Variants in ASTN2 observed in about 807,000 individuals in gnomAD.
The protein encoded by ASTN2 is astrotactin 2, also known as astrotactin-2.
ASTN2 carries 54 observed loss-of-function variants against 139.8 expected under a neutral mutation model. That is an observed-to-expected ratio of 0.39 (90% confidence interval 0.31 to 0.48). The LOEUF is 0.48. Among genes scored for constraint, ASTN2 ranks in the 20% least tolerant of loss-of-function variants. The pLI, the probability that ASTN2 is intolerant of heterozygous loss-of-function variation, is 0.95. For missense variants in ASTN2, 1,565 were observed against 1,725.1 expected, an observed-to-expected ratio of 0.91 and a Z score of 1.64; for synonymous variants, 756 against 719.5, an observed-to-expected ratio of 1.05 and a Z score of -0.81.
chr9:116,691,578 C>T (rs1032648478), intron 16 of ASTN2, among the ~76,000 whole-genome samples: 9 of 152,274 alleles, frequency 5.9e-5, no homozygotes, highest in African/African-American at 1.4e-4. Context: ...CCTTCTGGAT[C>T]GTTTTGTTTG....
intron 16 of ASTN2, among the ~76,000 whole-genome samples, chr9:116,675,965 G>T (rs1859475667): frequency 6.6e-6 from 1 of 152,178 alleles, no homozygotes; most frequent in Non-Finnish European, 1.5e-5. Context: ...GTTTTGTTAT[G>T]TGTATTTTGC....
In ASTN2 at chr9:116,744,402, C is replaced by T. The variant is rs138925870; in HGVS notation, c.2397-10879G>A. On this transcript the variant is annotated intron_variant, in intron 13 of 22. Transcript: ENST00000313400. ...CACTGTAGGGTATTCAGCAGGAAAG[C>T]AAAACCATCAGATAGGAGCTTCAAA... Among the ~76,000 whole-genome samples the T allele has an allele frequency of 2.1e-3, 322 of 152,186 alleles. 1 individual carries two copies. Among genetic ancestry groups the T allele is most frequent in the African/African-American group, 7.6e-3 (314 of 41,520 alleles).
At chr9:116,566,679 A>C (rs1449047206) in intron 19 of ASTN2, among the ~76,000 whole-genome samples, 1 of 152,164 alleles carries the variant, frequency 6.6e-6, no homozygotes, top group African/African-American at 2.4e-5. Flanking sequence ...AGTACTCTGA[A>C]TTTTAACCCT....
rs1828521668 is a variant in ASTN2 at position 116,723,177 on chromosome 9, T to A, written c.2806+2594A>T. Among the ~76,000 whole-genome samples the A allele has an allele frequency of 2.0e-5, 3 of 151,286 alleles. No homozygotes were observed. The South Asian group carries it at 6.3e-4, about 32-fold the overall frequency. ...GAGACTCCGTCTCAAAAAAAAAAAATGAGGGTTGACCTCACACATTAGCAA... is the reference window on the plus strand; with the variant it reads ...GAGACTCCGTCTCAAAAAAAAAAAAAGAGGGTTGACCTCACACATTAGCAA... On this transcript the variant is annotated intron_variant, in intron 16 of 22. Coordinates refer to ENST00000313400, the MANE Select transcript of ASTN2 (RefSeq NM_001365068.1).
chr9:116,432,371 T>C (rs1357939382), intron 22 of ASTN2, among the ~76,000 whole-genome samples: 5 of 152,224 alleles, frequency 3.3e-5, no homozygotes, highest in African/African-American at 1.2e-4. Flanking sequence ...TGGGATGTAA[T>C]GTGGTTTTAC....
intron 5 of ASTN2, among the ~76,000 whole-genome samples, chr9:117,060,502 A>AAGG (rs1839250765): frequency 2.8e-5 from 2 of 72,300 alleles, no homozygotes; most frequent in Non-Finnish European, 5.7e-5. Context: ...AGAAAGAAAG[A>AAGG]AAGAAAGAAA....
At chr9:117,343,757 C>A (rs1829129441) in intron 1 of ASTN2, among the ~76,000 whole-genome samples, 1 of 152,144 alleles carries the variant, frequency 6.6e-6, no homozygotes, top group South Asian at 2.1e-4. Flanking sequence ...TAGTTCTATA[C>A]CAGCTTTATG....
chr9:116,892,941 G>A (rs1306241072), intron 10 of ASTN2, among the ~76,000 whole-genome samples: 1 of 152,058 alleles, frequency 6.6e-6, no homozygotes, highest in Non-Finnish European at 1.5e-5. Flanking sequence ...AAATTCAACT[G>A]GGTACTCAAT....
At chr9:117,169,362 T>C (rs1450386948) in intron 3 of ASTN2, among the ~76,000 whole-genome samples, 1 of 152,138 alleles carries the variant, frequency 6.6e-6, no homozygotes, top group Non-Finnish European at 1.5e-5. Flanking sequence ...ACATTTATAG[T>C]TGTGTGTGAA....
intron 19 of ASTN2, among the ~76,000 whole-genome samples, chr9:116,499,821 T>TA: frequency 6.6e-6 from 1 of 152,120 alleles, no homozygotes; most frequent in African/African-American, 2.4e-5. Flanking sequence ...GAGTACTGAG[T>TA]AGAGATTCAG....
chr9:116,676,643 G>A (rs965206559), intron 16 of ASTN2, among the ~76,000 whole-genome samples: 10 of 152,074 alleles, frequency 6.6e-5, no homozygotes, highest in African/African-American at 2.4e-4. Flanking sequence ...AATTTTTTTT[G>A]AGCAGTTAAA....
chr9:116,453,794 A>G (rs370261891), intron 20 of ASTN2, among the ~76,000 whole-genome samples: 2 of 152,158 alleles, frequency 1.3e-5, no homozygotes, highest in Admixed American at 6.5e-5. Flanking sequence ...ATAAGGTTTC[A>G]TTAGAGCTCC....
At chr9:116,809,956 A>T (rs575341655) in intron 12 of ASTN2, among the ~76,000 whole-genome samples, 1 of 152,298 alleles carries the variant, frequency 6.6e-6, no homozygotes, top group Non-Finnish European at 1.5e-5. Flanking sequence ...TTTTCAAAAC[A>T]TCCTGTGATT....
intron 2 of ASTN2, among the ~76,000 whole-genome samples, chr9:117,275,930 T>A (rs1709576371): frequency 1.3e-5 from 2 of 152,172 alleles, no homozygotes; most frequent in Admixed American, 1.3e-4. Flanking sequence ...AGGCTGTATC[T>A]CCTAATACAG....
At chr9:116,926,052 C>T (rs1342216518) in intron 10 of ASTN2, among the ~76,000 whole-genome samples, 1 of 152,072 alleles carries the variant, frequency 6.6e-6, no homozygotes, top group African/African-American at 2.4e-5. Flanking sequence ...TCCTCCATTC[C>T]TTATCATGCT....
intron 2 of ASTN2, among the ~76,000 whole-genome samples, chr9:117,262,489 T>C (rs1363713054): frequency 2.0e-5 from 3 of 152,102 alleles, no homozygotes; most frequent in Non-Finnish European, 4.4e-5. Context: ...AGAAACTAAA[T>C]GATACCCCTT....
chr9:117,165,666 C>T (rs916758824), intron 3 of ASTN2, among the ~76,000 whole-genome samples: 2 of 152,074 alleles, frequency 1.3e-5, no homozygotes, highest in African/African-American at 2.4e-5. Context: ...TAGCCCAGCA[C>T]CCAGCACACT....
At chr9:117,018,713 A>G (rs944624165) in intron 6 of ASTN2, among the ~76,000 whole-genome samples, 3 of 152,104 alleles carry the variant, frequency 2.0e-5, no homozygotes, top group African/African-American at 4.8e-5. Context: ...CTGCTTGCTC[A>G]TCTAAAAGAG....
At chr9:117,056,585 T>A (rs1326969377) in intron 5 of ASTN2, among the ~76,000 whole-genome samples, 1 of 152,150 alleles carries the variant, frequency 6.6e-6, no homozygotes, top group African/African-American at 2.4e-5. Context: ...TATTAAGAGC[T>A]GAGAGAAAAG....
Sources: gnomAD v4.1 joint callset for allele counts (sites outside exome capture counted in the v4.1 genomes callset) on GRCh38, gnomAD v4.1.1 for gene constraint, MANE v1.5 for transcripts, NCBI Gene and HGNC (gene_info 2026-07-23, HGNC 2026-07-21) for gene names.